The following TENM3 variants were observed in gnomAD, a reference collection of about 807,000 sequenced individuals.
The protein encoded by TENM3 is teneurin-3.
In TENM3, 63 loss-of-function variants were observed where a neutral mutation model predicts 255.1. The ratio of observed to expected loss-of-function variants is 0.25; its 90% CI spans 0.20 to 0.30. The LOEUF is 0.30. Ranked by LOEUF, TENM3 falls within the 10% of genes least tolerant of loss-of-function variation. The pLI is 1.00. For synonymous variants in TENM3, 1,306 were observed against 1,322.3 expected (o/e 0.99, Z 0.27); for missense variants, 2,929 against 3,461.1 (o/e 0.85, Z 3.86).
rs759494053 is a variant in TENM3, at chr4:182,654,474, TATAC to T, written c.1111+589_1111+592del. Among the ~76,000 whole-genome samples, 203 of 152,304 alleles carry T rather than the reference TATAC, an allele frequency of 1.3e-3. 1 individual carries two copies. The highest frequency in any genetic ancestry group is 2.4e-3 in the Non-Finnish European group (162 of 68,020). On this transcript the variant is annotated intron_variant, in intron 6 of 27. Transcript: ENST00000511685. Reference sequence around the variant, plus strand: ...TTCAATATAAACACTTAGAAAAGCGTATACATACATATGTACACTTACGTTACAA... The same window carrying T: ...TTCAATATAAACACTTAGAAAAGCGTATACATATGTACACTTACGTTACAA...
chr4:182,779,327 C>T (rs917932549), intron 24 of TENM3, among the ~76,000 whole-genome samples: 26 of 151,776 alleles, frequency 1.7e-4, no homozygotes, highest in Non-Finnish European at 3.2e-4. Context: ...TTTGTACTTG[C>T]GATAGTTTAC....
chr4:181,951,410 C>T, the TENM3 span, among the ~76,000 whole-genome samples: 1 of 152,170 alleles, frequency 6.6e-6, no homozygotes, highest in Non-Finnish European at 1.5e-5. Flanking sequence ...AGTGTACAGA[C>T]CTGAATTATG....
chr4:181,787,361 C>T, the TENM3 span, among the ~76,000 whole-genome samples: 1 of 143,874 alleles, frequency 7.0e-6, no homozygotes, highest in African/African-American at 2.6e-5. Context: ...TTTTTTGAGA[C>T]GGAGTCTCAC....
At chr4:181,469,695 T>C in the TENM3 span, among the ~76,000 whole-genome samples, 30,858 of 152,040 alleles carry the variant, frequency 0.2, 3,326 homozygotes, top group Middle Eastern at 0.25. Flanking sequence ...AGTAGTTAAG[T>C]AAAAAGCTAA....
chr4:182,729,062 T>G lies in TENM3; in HGVS notation c.2466T>G (p.Ile822Met). The G allele has an allele frequency of 6.2e-7, 1 of 1,614,026 alleles. No homozygotes were observed. The highest frequency in any genetic ancestry group is 8.5e-7 in the Non-Finnish European group (1 of 1,179,898). ...CRGLPDPQDI[I>M]SQSLQSPSQQ... ...GACTGCCGGATCCTCAGGACATCATTAGCCAAAGCCTTCAATCGCCTTCTC... is the reference window on the plus strand; with the variant it reads ...GACTGCCGGATCCTCAGGACATCATGAGCCAAAGCCTTCAATCGCCTTCTC... The change falls in exon 14 of 28, where the codon ATT becomes ATG. Residue 822 changes from isoleucine (I) to methionine (M), a missense_variant. By Grantham distance (10) the Ile-to-Met change is conservative. This residue lies in a region of TENM3 where 1,608 missense variants were observed against 1,884.4 expected (regional missense o/e 0.85). Coordinates refer to ENST00000511685, the MANE Select transcript of TENM3 (RefSeq NM_001080477.4).
the TENM3 span, among the ~76,000 whole-genome samples, chr4:181,627,763 C>CT: frequency 1.3e-5 from 2 of 152,172 alleles, no homozygotes; most frequent in African/African-American, 2.4e-5. Flanking sequence ...GGTTCCAAGT[C>CT]TTTGCTATTG....
the TENM3 span, among the ~76,000 whole-genome samples, chr4:181,495,203 T>C: frequency 1.3e-5 from 2 of 152,152 alleles, no homozygotes; most frequent in Non-Finnish European, 2.9e-5. Context: ...TTTCCTTCAA[T>C]GCAGATTAAG....
At chr4:182,708,691 A>G (rs1029701174) in intron 12 of TENM3, among the ~76,000 whole-genome samples, 22 of 151,826 alleles carry the variant, frequency 1.4e-4, no homozygotes, top group Non-Finnish European at 2.2e-4. Context: ...CCAGCTACTC[A>G]GGAGGCTGAG....
chr4:181,671,295 G>GTAA, the TENM3 span, among the ~76,000 whole-genome samples: 1 of 152,194 alleles, frequency 6.6e-6, no homozygotes, highest in African/African-American at 2.4e-5. Context: ...TACACATAAA[G>GTAA]TAATATGAGA....
At chr4:182,619,743 A>C (rs2152449492) in intron 4 of TENM3, among the ~76,000 whole-genome samples, 1 of 152,272 alleles carries the variant, frequency 6.6e-6, no homozygotes, top group African/African-American at 2.4e-5. Context: ...GGGCTTTGAA[A>C]TTGATTTTCC....
At chr4:182,168,615 C>G (rs565828878) in intron 1 of TENM3, among the ~76,000 whole-genome samples, 1 of 152,300 alleles carries the variant, frequency 6.6e-6, no homozygotes, top group East Asian at 1.9e-4. Context: ...CTTTCAGCAT[C>G]TCTAAAAGTC....
chr4:181,976,900 A>C, the TENM3 span, among the ~76,000 whole-genome samples: 3 of 152,246 alleles, frequency 2.0e-5, no homozygotes, highest in East Asian at 1.9e-4. Flanking sequence ...CGGAAAGAAT[A>C]AGAGAAAACT....
the TENM3 span, among the ~76,000 whole-genome samples, chr4:181,463,759 G>A: frequency 1.3e-5 from 2 of 152,000 alleles, no homozygotes; most frequent in Non-Finnish European, 2.9e-5. Flanking sequence ...TAAAACATTT[G>A]TATCACCCTC....
intron 1 of TENM3, among the ~76,000 whole-genome samples, chr4:182,201,061 G>T (rs1015509633): frequency 2.6e-5 from 4 of 151,994 alleles, no homozygotes; most frequent in South Asian, 2.1e-4. Flanking sequence ...CTGACCTCAG[G>T]TGATCCACCT....
the TENM3 span, among the ~76,000 whole-genome samples, chr4:181,544,866 A>G: frequency 6.6e-6 from 1 of 152,240 alleles, no homozygotes; most frequent in Non-Finnish European, 1.5e-5. Context: ...GGGTCTTCAT[A>G]GAGAGGGAAT....
At chr4:181,999,645 C>A in the TENM3 span, among the ~76,000 whole-genome samples, 1 of 152,092 alleles carries the variant, frequency 6.6e-6, no homozygotes. Context: ...ACACATCAGA[C>A]ATAAAATGAA....
the TENM3 span, among the ~76,000 whole-genome samples, chr4:181,804,707 G>A: frequency 2.0e-5 from 3 of 152,116 alleles, no homozygotes; most frequent in African/African-American, 4.8e-5. Context: ...AAACTTTGGG[G>A]CAAAAGAAGT....
At chr4:182,604,319 T>G (rs547725432) in intron 4 of TENM3, among the ~76,000 whole-genome samples, 43 of 152,340 alleles carry the variant, frequency 2.8e-4, no homozygotes, top group South Asian at 6.2e-4. Flanking sequence ...ATCTCCTTAT[T>G]ATGTCATCAT....
chr4:181,762,098 G>A, the TENM3 span, among the ~76,000 whole-genome samples: 1 of 152,168 alleles, frequency 6.6e-6, no homozygotes, highest in East Asian at 1.9e-4. Flanking sequence ...TAGCTATTAG[G>A]AAGTTTTTCT....
Sources: allele counts gnomAD v4.1 joint callset (sites outside exome capture counted in the v4.1 genomes callset), GRCh38; gene constraint gnomAD v4.1.1; regional missense constraint gnomAD v4.1.1; transcripts MANE v1.5; gene names NCBI Gene and HGNC (gene_info 2026-07-23, HGNC 2026-07-21).